PCDHA8: variants seen among roughly 807,000 people sequenced by gnomAD.
PCDHA8 encodes protocadherin alpha 8.
PCDHA8 carries 53 observed loss-of-function variants against 61.8 expected under a neutral mutation model. That is an observed-to-expected ratio of 0.86 (90% CI 0.69 to 1.08). The LOEUF (loss-of-function observed/expected upper bound fraction) is 1.08. Among genes scored for constraint, PCDHA8 ranks in the 50% least tolerant of loss-of-function variants. PCDHA8 has a pLI of 0.00. For synonymous variants in PCDHA8, 618 were observed against 556.6 expected, an observed-to-expected ratio of 1.11 and a Z score of -1.55; for missense variants, 1,293 against 1,245.0, an observed-to-expected ratio of 1.04 and a Z score of -0.58.
At chr5:140,928,282 C>G in intron 1 of PCDHA8, 1 of 1,614,166 alleles carries the variant, frequency 6.2e-7, no homozygotes, top group Non-Finnish European at 8.5e-7. Flanking sequence ...TGGGGCCTCT[C>G]TAGGCCGAGT....
intron 1 of PCDHA8, chr5:140,928,537 A>G (rs2085311063): frequency 1.2e-6 from 2 of 1,614,198 alleles, no homozygotes; most frequent in African/African-American, 2.7e-5. Context: ...GGTAGATAGG[A>G]ATGACAATTA....
Position 140,849,589 on chromosome 5 carries a change from T to C in PCDHA8, c.2394+5874T>C, listed in dbSNP as rs2150441752. On this transcript the variant is annotated intron_variant, in intron 1 of 3. Transcript: ENST00000531613. The stretch of plus-strand genomic sequence containing the variant: ...GTTCCTGTAAAAGAGGACGCACAAC[T>C]GGGGACAGTTATTGCCCTGATTAGT... 3.8e-6 allele frequency: 6 copies of C among 1,598,582 alleles called. No individual in the cohort carries two copies. The Admixed American group carries it at 6.7e-5, about 18-fold the overall frequency.
intron 1 of PCDHA8, chr5:140,870,624 G>T (rs1554164487): frequency 1.2e-6 from 2 of 1,613,112 alleles, no homozygotes; most frequent in South Asian, 2.2e-5. Flanking sequence ...CGAGCTACGT[G>T]TCGGTGCACG....
chr5:140,919,593 T>A (rs541275874), intron 1 of PCDHA8, among the ~76,000 whole-genome samples: 1 of 152,332 alleles, frequency 6.6e-6, no homozygotes, highest in South Asian at 2.1e-4. Flanking sequence ...TGGTAATTTT[T>A]AAAATAAATT....
chr5:140,888,210 T>G (rs1395913579), intron 1 of PCDHA8, among the ~76,000 whole-genome samples: 1 of 152,080 alleles, frequency 6.6e-6, no homozygotes, highest in East Asian at 1.9e-4. Context: ...ATGCTGGATT[T>G]TGTGTGTGTG....
At chr5:140,967,849 T>C in intron 1 of PCDHA8, 1 of 1,614,116 alleles carries the variant, frequency 6.2e-7, no homozygotes, top group Non-Finnish European at 8.5e-7. Flanking sequence ...TGAATGACAA[T>C]GCCCCAGAGG....
At position 140,870,131 on chromosome 5, in the gene PCDHA8, A is replaced by G. The variant is rs782486118; in HGVS notation, c.2394+26416A>G. The G allele has an allele frequency of 2.6e-5, 42 of 1,613,870 alleles. No individual in the cohort carries two copies. In the Admixed American group the frequency reaches 4.2e-4, roughly 16 times the overall value. On this transcript the variant is annotated intron_variant, in intron 1 of 3. Coordinates refer to ENST00000531613, the MANE Select transcript of PCDHA8 (RefSeq NM_018911.3). Reference sequence around the variant, plus strand: ...GTCTGGGTGGAAATCTTGGACACCAACGATAACTCTCCTGAAGTCGCCGTG... The same window carrying G: ...GTCTGGGTGGAAATCTTGGACACCAGCGATAACTCTCCTGAAGTCGCCGTG...
chr5:140,870,175 G>C (rs2051727190), intron 1 of PCDHA8: 1 of 1,614,012 alleles, frequency 6.2e-7, no homozygotes, highest in South Asian at 1.1e-5. Context: ...GTCCCTCCCA[G>C]TACGAGAGGA....
intron 1 of PCDHA8, among the ~76,000 whole-genome samples, chr5:140,961,560 AT>A (rs1223583703): frequency 1.4e-4 from 22 of 152,140 alleles, no homozygotes; most frequent in African/African-American, 4.6e-4. Flanking sequence ...CTTTTTTTAA[AT>A]TTTGTTTTGA....
intron 1 of PCDHA8, among the ~76,000 whole-genome samples, chr5:140,932,839 C>T (rs138437913): frequency 6.6e-6 from 1 of 151,940 alleles, no homozygotes; most frequent in East Asian, 1.9e-4. Flanking sequence ...GACAATGTGT[C>T]TCATAATGTT....
chr5:140,900,000 A>G (rs1374747791), intron 1 of PCDHA8, among the ~76,000 whole-genome samples: 1 of 151,872 alleles, frequency 6.6e-6, no homozygotes, highest in Non-Finnish European at 1.5e-5. Flanking sequence ...TGTAGAGATG[A>G]GGTCTCACTT....
At chr5:140,992,761 A>G (rs1400429465) in intron 3 of PCDHA8, among the ~76,000 whole-genome samples, 1 of 152,180 alleles carries the variant, frequency 6.6e-6, no homozygotes, top group African/African-American at 2.4e-5. Flanking sequence ...TGTTGGGGAT[A>G]GGAGGGTGGG....
intron 1 of PCDHA8, chr5:140,930,385 C>T (rs1335168502): frequency 6.6e-6 from 1 of 151,798 alleles, no homozygotes; most frequent in Non-Finnish European, 1.5e-5. Flanking sequence ...CTTGGCATTT[C>T]AAAACTTCTT....
intron 1 of PCDHA8, among the ~76,000 whole-genome samples, chr5:140,936,741 C>T (rs1234099505): frequency 3.3e-5 from 5 of 152,138 alleles, no homozygotes; most frequent in African/African-American, 1.2e-4. Flanking sequence ...AGTAACTTTT[C>T]ATTTGTATTG....
At chr5:140,990,708 T>G (rs1201090744) in intron 3 of PCDHA8, among the ~76,000 whole-genome samples, 3 of 152,190 alleles carry the variant, frequency 2.0e-5, no homozygotes, top group African/African-American at 7.2e-5. Context: ...TTTATGGGGA[T>G]AAGAGCATCA....
At chr5:140,890,363 C>T (rs1217094920) in intron 1 of PCDHA8, among the ~76,000 whole-genome samples, 1 of 152,036 alleles carries the variant, frequency 6.6e-6, no homozygotes, top group African/African-American at 2.4e-5. Flanking sequence ...CAATGGATAA[C>T]CTGAACAAGT....
chr5:140,888,789 G>A (rs536846098), intron 1 of PCDHA8, among the ~76,000 whole-genome samples: 1 of 152,066 alleles, frequency 6.6e-6, no homozygotes, highest in Admixed American at 6.5e-5. Flanking sequence ...AGCCTGATCT[G>A]GGGAGGTTGA....
chr5:140,967,528 T>C, intron 1 of PCDHA8: 3 of 1,613,146 alleles, frequency 1.9e-6, no homozygotes, highest in Non-Finnish European at 2.5e-6. Context: ...ACGACAACTC[T>C]CCTGCCTTTG....
chr5:140,966,786 G>A (rs1554228650), intron 1 of PCDHA8: 2 of 1,526,000 alleles, frequency 1.3e-6, no homozygotes, highest in Admixed American at 1.9e-5. Context: ...GCGGGCACCA[G>A]ACCTGCGGCG....
Sources: allele counts gnomAD v4.1 joint callset (sites outside exome capture counted in the v4.1 genomes callset), GRCh38; gene constraint gnomAD v4.1.1; transcripts MANE v1.5; gene names NCBI Gene and HGNC (gene_info 2026-07-23, HGNC 2026-07-21).